FNDC3A: variants seen among roughly 807,000 people sequenced by gnomAD.
The protein encoded by FNDC3A is fibronectin type III domain containing 3A.
A neutral mutation model predicts 148.9 loss-of-function variants in FNDC3A; 32 were observed. That is an observed-to-expected ratio of 0.21 (90% CI 0.16 to 0.29). The LOEUF is 0.29. FNDC3A is among the 10% of genes least tolerant of loss of function. FNDC3A has a pLI of 1.00. For synonymous variants in FNDC3A, 472 were observed against 473.6 expected (o/e 1.00, Z 0.04); for missense variants, 1,191 against 1,452.8 (o/e 0.82, Z 2.93).
At chr13:49,144,084 C>A (rs993819464) in intron 7 of FNDC3A, among the ~76,000 whole-genome samples, 10 of 151,476 alleles carry the variant, frequency 6.6e-5, no homozygotes, top group Admixed American at 1.3e-4. Flanking sequence ...TTTGACTGAC[C>A]CACCTTCATA....
chr13:49,136,986 C>T (rs1198493862), intron 6 of FNDC3A, among the ~76,000 whole-genome samples: 1 of 151,630 alleles, frequency 6.6e-6, no homozygotes, highest in Non-Finnish European at 1.5e-5. Context: ...ACCACCACAC[C>T]CAGCTAATTT....
chr13:49,107,694 T>C (rs1188021150), intron 3 of FNDC3A, among the ~76,000 whole-genome samples: 1 of 152,188 alleles, frequency 6.6e-6, no homozygotes, highest in African/African-American at 2.4e-5. Context: ...TTTCGAGATA[T>C]GGTTGAAGTC....
At chr13:49,167,962 T>C (rs1884563080) in intron 9 of FNDC3A, among the ~76,000 whole-genome samples, 1 of 152,204 alleles carries the variant, frequency 6.6e-6, no homozygotes, top group Non-Finnish European at 1.5e-5. Context: ...CATCCTGTTT[T>C]AGGGTTCGGG....
chr13:49,082,410 A>T (rs901035097), intron 3 of FNDC3A, among the ~76,000 whole-genome samples: 2 of 152,162 alleles, frequency 1.3e-5, no homozygotes, highest in African/African-American at 2.4e-5. Context: ...CCAACAGGAT[A>T]AAATTTAATA....
At chr13:49,148,341 C>A (rs1472856829) in intron 8 of FNDC3A, among the ~76,000 whole-genome samples, 1 of 151,190 alleles carries the variant, frequency 6.6e-6, no homozygotes, top group Admixed American at 6.6e-5. Context: ...TTCATAGTTT[C>A]AGGTCTTAAA....
At chr13:49,077,731 C>T (rs1356803715) in intron 3 of FNDC3A, among the ~76,000 whole-genome samples, 4 of 152,120 alleles carry the variant, frequency 2.6e-5, no homozygotes, top group African/African-American at 9.7e-5. Flanking sequence ...ACCACCATGG[C>T]ACATGTATAC....
chr13:49,159,172 T>A (rs1462125276), intron 8 of FNDC3A, among the ~76,000 whole-genome samples: 1 of 152,230 alleles, frequency 6.6e-6, no homozygotes, highest in Non-Finnish European at 1.5e-5. Flanking sequence ...CAATGGTAGC[T>A]TGATGGGGAT....
Position 49,136,333 on chromosome 13 carries a change from T to C in FNDC3A, c.492T>C (p.Asp164=). 6.2e-7 allele frequency: 1 copy of C among 1,612,144 alleles called. No homozygotes were observed. The highest frequency in any genetic ancestry group is 8.5e-7 in the Non-Finnish European group (1 of 1,178,640). The change falls in exon 6 of 26, where the codon GAT becomes GAC. Residue 164 remains aspartate (D), a splice_region_variant and synonymous_variant. Coordinates refer to ENST00000492622, the MANE Select transcript of FNDC3A (RefSeq NM_001079673.2). The part of the protein sequence containing the change: ...YQSSQVYGDV[D]AHSTHGRSNF... ...CATTTTGTTTTTATTGCCTCCTAGATGCTCACTCTACACATGGAAGGTCCA... is the reference window on the plus strand; with the variant it reads ...CATTTTGTTTTTATTGCCTCCTAGACGCTCACTCTACACATGGAAGGTCCA...
chr13:49,013,989 G>T (rs1952431155), intron 2 of FNDC3A, among the ~76,000 whole-genome samples: 1 of 148,166 alleles, frequency 6.7e-6, no homozygotes, highest in Admixed American at 6.7e-5. Context: ...TCTTAATCCA[G>T]TCTATCATTG....
At chr13:49,033,957 A>G (rs1486511436) in intron 2 of FNDC3A, among the ~76,000 whole-genome samples, 1 of 152,018 alleles carries the variant, frequency 6.6e-6, no homozygotes, top group African/African-American at 2.4e-5. Context: ...AATTGTAAAA[A>G]CCACTTTGTA....
chr13:49,074,049 A>G (rs1178019571), intron 2 of FNDC3A, among the ~76,000 whole-genome samples: 2 of 151,964 alleles, frequency 1.3e-5, no homozygotes. Context: ...ATAGACTATG[A>G]GAGGGCATTC....
intron 4 of FNDC3A, among the ~76,000 whole-genome samples, chr13:49,127,051 C>T (rs891431206): frequency 5.3e-5 from 8 of 152,170 alleles, no homozygotes; most frequent in Non-Finnish European, 2.9e-5. Context: ...ATGTGCTCTG[C>T]TTCTCATCCA....
rs556185792 is a variant in FNDC3A at position 49,110,278 on chromosome 13, A to C, written c.176-4377A>C. ...GACTGTCACGTGACTCGGTCAAAGG[A>C]TCTTTTCCTCTTACAGCCTTGCAAA... is the stretch of plus-strand genomic sequence containing the variant. On this transcript the variant is annotated intron_variant, in intron 3 of 25. Transcript: ENST00000492622. 9.2e-4 allele frequency: 1,317 copies of C among 1,435,388 alleles called. 3 individuals are homozygous for C. Among genetic ancestry groups the C allele is most frequent in the East Asian group, 4.1e-3 (167 of 41,118 alleles). The allele number at this position is 1,435,388 out of a possible 1,614,324, so 88.9% of individuals were successfully genotyped here.
At chr13:49,083,477 G>C (rs969208958) in intron 3 of FNDC3A, among the ~76,000 whole-genome samples, 1 of 152,170 alleles carries the variant, frequency 6.6e-6, no homozygotes, top group African/African-American at 2.4e-5. Context: ...GGTGTATGCT[G>C]GTTAGACGGT....
chr13:49,051,686 TCTTTGTA>T (rs1875853247), intron 2 of FNDC3A, among the ~76,000 whole-genome samples: 1 of 152,240 alleles, frequency 6.6e-6, no homozygotes, highest in Admixed American at 6.5e-5. Flanking sequence ...TTCCCAGTGC[TCTTTGTA>T]CTTCTTGTAT....
chr13:49,032,129 A>G (rs1874163772), intron 2 of FNDC3A, among the ~76,000 whole-genome samples: 1 of 152,244 alleles, frequency 6.6e-6, no homozygotes, highest in African/African-American at 2.4e-5. Flanking sequence ...AGAATTAAAA[A>G]GATAAAAACA....
intron 25 of FNDC3A, 32 bp from the exon 26 acceptor site, chr13:49,207,049 C>A: frequency 6.6e-7 from 1 of 1,519,124 alleles, no homozygotes; most frequent in Non-Finnish European, 9.1e-7. Flanking sequence ...AGCCTTCACA[C>A]GTAATTCTTC....
At chr13:49,129,545 G>A (rs1478808771) in intron 4 of FNDC3A, among the ~76,000 whole-genome samples, 1 of 152,140 alleles carries the variant, frequency 6.6e-6, no homozygotes, top group Admixed American at 6.6e-5. Context: ...GTTCCTGTAG[G>A]GTAGAAGCTA....
At chr13:49,115,742 TACTA>T (rs1291234010) in intron 4 of FNDC3A, among the ~76,000 whole-genome samples, 5 of 152,240 alleles carry the variant, frequency 3.3e-5, no homozygotes, top group African/African-American at 4.8e-5. Context: ...GAGTAGTCTC[TACTA>T]ACTATCTCTA....
Sources: gnomAD v4.1 joint callset for allele counts (sites outside exome capture counted in the v4.1 genomes callset) on GRCh38, gnomAD v4.1.1 for gene constraint, MANE v1.5 for transcripts, NCBI Gene and HGNC (gene_info 2026-07-23, HGNC 2026-07-21) for gene names.